Variants in PPP1R17 observed in about 807,000 individuals in gnomAD.
The protein encoded by PPP1R17 is protein phosphatase 1 regulatory subunit 17, also known as G-substrate.
A neutral mutation model predicts 15.9 loss-of-function variants in PPP1R17; 12 were observed. The ratio of observed to expected loss-of-function variants is 0.75; its 90% CI spans 0.48 to 1.22. PPP1R17 has a LOEUF of 1.22. Among genes scored for constraint, PPP1R17 ranks in the 50% most tolerant of loss-of-function variants. The pLI, the probability that PPP1R17 is intolerant of heterozygous loss-of-function variation, is 0.00. For synonymous variants in PPP1R17, 63 were observed against 64.5 expected, an observed-to-expected ratio of 0.98 and a Z score of 0.11; for missense variants, 211 against 187.3, an observed-to-expected ratio of 1.13 and a Z score of -0.74.
At chr7:31,689,793 A>G (rs944562467) in intron 1 of PPP1R17, among the ~76,000 whole-genome samples, 6 of 152,312 alleles carry the variant, frequency 3.9e-5, no homozygotes, top group African/African-American at 7.2e-5. Context: ...ATCATTCATG[A>G]TAAAAGTATC....
At chr7:31,698,579 C>T (rs1359165345) in intron 4 of PPP1R17, among the ~76,000 whole-genome samples, 2 of 152,186 alleles carry the variant, frequency 1.3e-5, no homozygotes, top group African/African-American at 4.8e-5. Flanking sequence ...GAGTTTAGGA[C>T]ATGCAGAAGT....
At chr7:31,695,098 G>C (rs1792522498) in intron 2 of PPP1R17, among the ~76,000 whole-genome samples, 1 of 152,168 alleles carries the variant, frequency 6.6e-6, no homozygotes, top group East Asian at 1.9e-4. Context: ...TCCAAAGAGA[G>C]CAAGTCTTGA....
Position 31,692,143 on chromosome 7 carries a change from CTG to C in PPP1R17, c.-36-262_-36-261del, listed in dbSNP as rs1792382599. Among the ~76,000 whole-genome samples the C allele has an allele frequency of 3.9e-5, 6 of 152,224 alleles. No individual in the cohort carries two copies. In the South Asian group the frequency reaches 1.2e-3, roughly 32 times the overall value. ...TTATTCTGAAACTCTCAATGTGTCT[CTG>C]AGAGAGGGCAAATATTGGACATTTG... On this transcript the variant is annotated intron_variant, in intron 1 of 4. Coordinates refer to ENST00000342032, the MANE Select transcript of PPP1R17 (RefSeq NM_006658.5).
intron 2 of PPP1R17, among the ~76,000 whole-genome samples, chr7:31,693,787 G>A (rs544636234): frequency 6.6e-6 from 1 of 152,156 alleles, no homozygotes. Flanking sequence ...AAGAAAGAGA[G>A]AAATTTACCT....
intron 4 of PPP1R17, among the ~76,000 whole-genome samples, chr7:31,698,979 T>C (rs902094717): frequency 6.6e-6 from 1 of 152,172 alleles, no homozygotes; most frequent in African/African-American, 2.4e-5. Flanking sequence ...GCCTACTATG[T>C]GCCAGGCACA....
In PPP1R17 at chr7:31,702,369, G is replaced by A. The variant is rs141377216; in HGVS notation, c.389-4835G>A. Among the ~76,000 whole-genome samples the A allele has an allele frequency of 7.7e-4, 117 of 152,188 alleles. 1 individual carries two copies. The East Asian group carries it at 0.017, about 22-fold the overall frequency. Reference sequence around the variant, plus strand: ...GTAATGGAGAAATGGTCCAAGGACCGGGGGAGGCTCTGAACTTCCCTCATC... The same window carrying A: ...GTAATGGAGAAATGGTCCAAGGACCAGGGGAGGCTCTGAACTTCCCTCATC... On this transcript the variant is annotated intron_variant, in intron 4 of 4. Coordinates refer to ENST00000342032, the MANE Select transcript of PPP1R17 (RefSeq NM_006658.5).
At chr7:31,695,382 A>C in intron 2 of PPP1R17, 87 bp from the exon 3 acceptor site, 1 of 1,260,832 alleles carries the variant, frequency 7.9e-7, no homozygotes, top group South Asian at 1.5e-5. Context: ...CTGTCCTGTC[A>C]TCAAGTGCAA....
Position 31,695,583 on chromosome 7 carries a change from A to G in PPP1R17, c.197A>G (p.Lys66Arg), listed in dbSNP as rs1265038384. Residue 66 changes from lysine (K) to arginine (R), a missense_variant, in exon 3 of 5, where the codon AAA becomes AGA. Lys to Arg is a conservative substitution (Grantham distance 26). Coordinates refer to ENST00000342032, the MANE Select transcript of PPP1R17 (RefSeq NM_006658.5). ...TCAGACCAAAAAAAACCAAGGAGGA[A>G]AGATACACCGGCGCTGCACATCCCA... ...VESDQKKPRR[K>R]DTPALHIPPF... 6.2e-7 allele frequency: 1 copy of G among 1,613,836 alleles called. No individual in the cohort carries two copies. Among genetic ancestry groups the G allele is most frequent in the African/African-American group, 1.3e-5 (1 of 74,894 alleles).
intron 2 of PPP1R17, among the ~76,000 whole-genome samples, chr7:31,692,991 T>C (rs1352216702): frequency 1.3e-5 from 2 of 152,150 alleles, no homozygotes; most frequent in Admixed American, 6.5e-5. Flanking sequence ...TTTCCAGAAC[T>C]GACTTTTTGC....
rs540931671 is a variant in PPP1R17 at position 31,707,550 on chromosome 7, A to T, written c.*267A>T. On this transcript the variant is annotated 3_prime_UTR_variant, in exon 5 of 5. Coordinates refer to ENST00000342032, the MANE Select transcript of PPP1R17 (RefSeq NM_006658.5). ...ACAGATCATCCTAAATGAGGAGGTA[A>T]CAGGGAAAGCACTGGGGTTCGGTTT... 1 of 402,688 alleles carries T rather than the reference A, an allele frequency of 2.5e-6. No homozygotes were observed. The highest frequency in any genetic ancestry group is 4.4e-6 in the Non-Finnish European group (1 of 225,944). The allele number at this position is 402,688 out of a possible 1,614,324, so 24.9% of individuals were successfully genotyped here. A position where few individuals can be genotyped will look rare whatever the true frequency, so the allele number is the denominator to read the frequency against.
rs982975635 is a variant in PPP1R17 at position 31,687,290 on chromosome 7, T to A, written c.-53T>A. ...TCCCTGTCTCTCGCCTTCGCTTCCC[T>A]GCATCTGCGCTGATTGGTAAGTGCT... is the stretch of plus-strand genomic sequence containing the variant. On this transcript the variant is annotated 5_prime_UTR_variant, in exon 1 of 5. Coordinates refer to ENST00000342032, the MANE Select transcript of PPP1R17 (RefSeq NM_006658.5). The A allele has an allele frequency of 6.6e-6, 1 of 152,312 alleles. No individual in the cohort carries two copies. The highest frequency in any genetic ancestry group is 1.5e-5 in the Non-Finnish European group (1 of 68,108). The allele number at this position is 152,312 out of a possible 1,614,324, so 9.4% of individuals were successfully genotyped here.
intron 2 of PPP1R17, among the ~76,000 whole-genome samples, chr7:31,693,108 T>C (rs1001980552): frequency 3.3e-5 from 5 of 152,212 alleles, no homozygotes; most frequent in Admixed American, 2.6e-4. Flanking sequence ...TCATAGCCTT[T>C]GTCTATGCCT....
At chr7:31,697,233 T>G in intron 4 of PPP1R17, 116 bp downstream of exon 4, 1 of 1,310,638 alleles carries the variant, frequency 7.6e-7, no homozygotes, top group Non-Finnish European at 1.0e-6. Flanking sequence ...TGCGTTGTCC[T>G]GAAGTGCTCT....
rs776155828 is a variant in PPP1R17, at chr7:31,697,086, A to T, written c.357A>T (p.Thr119=). 6.8e-6 allele frequency: 11 copies of T among 1,614,082 alleles called. No individual in the cohort carries two copies. The highest frequency in any genetic ancestry group is 9.3e-6 in the Non-Finnish European group (11 of 1,179,988). Residue 119 remains threonine, a synonymous_variant, in exon 4 of 5, where the codon ACA becomes ACT. Coordinates refer to ENST00000342032, the MANE Select transcript of PPP1R17 (RefSeq NM_006658.5). ...AGAAAAAGCCAAGGAGAAAAGACAC[A>T]CCTGCCCTGCACATGTCCCCCTTTG... ...LEQKKPRRKD[T]PALHMSPFAA...
chr7:31,699,763 G>T (rs1485408754), intron 4 of PPP1R17, among the ~76,000 whole-genome samples: 1 of 151,636 alleles, frequency 6.6e-6, no homozygotes, highest in Non-Finnish European at 1.5e-5. Flanking sequence ...CATTTTAGTA[G>T]TTCTTGCACT....
intron 1 of PPP1R17, among the ~76,000 whole-genome samples, chr7:31,689,833 G>A (rs1371533428): frequency 6.6e-6 from 1 of 152,130 alleles, no homozygotes; most frequent in Non-Finnish European, 1.5e-5. Context: ...ACACATCCCT[G>A]CACGGCATGG....
At chr7:31,693,092 G>T (rs1444022112) in intron 2 of PPP1R17, among the ~76,000 whole-genome samples, 1 of 152,088 alleles carries the variant, frequency 6.6e-6, no homozygotes, top group South Asian at 2.1e-4. Context: ...TGGGCCTTTT[G>T]CCTATTCATA....
chr7:31,698,220 A>T (rs1330846488), intron 4 of PPP1R17, among the ~76,000 whole-genome samples: 1 of 152,240 alleles, frequency 6.6e-6, no homozygotes, highest in East Asian at 1.9e-4. Context: ...AAAAATTGAA[A>T]AAACAGCTCA....
intron 2 of PPP1R17, among the ~76,000 whole-genome samples, chr7:31,694,916 A>T (rs1792512255): frequency 6.6e-6 from 1 of 152,210 alleles, no homozygotes; most frequent in African/African-American, 2.4e-5. Context: ...ATGGGCAAAT[A>T]GGAGGGTTAC....
Sources: gnomAD v4.1 joint callset for allele counts (sites outside exome capture counted in the v4.1 genomes callset) on GRCh38, gnomAD v4.1.1 for gene constraint, MANE v1.5 for transcripts, NCBI Gene and HGNC (gene_info 2026-07-23, HGNC 2026-07-21) for gene names.